The following FBXO15 variants were observed in gnomAD, a reference collection of about 807,000 sequenced individuals.
FBXO15 encodes the protein F-box only protein 15.
Under a neutral mutation model 49.5 loss-of-function variants are expected in FBXO15, and 30 were observed. The ratio of observed to expected loss-of-function variants is 0.61; its 90% CI spans 0.45 to 0.82. The LOEUF (loss-of-function observed/expected upper bound fraction) is 0.82. Ranked by LOEUF, FBXO15 falls within the 40% of genes least tolerant of loss-of-function variation. The pLI is 0.00. For synonymous variants in FBXO15, 250 were observed against 232.7 expected, an observed-to-expected ratio of 1.07 and a Z score of -0.68; for missense variants, 591 against 631.5, an observed-to-expected ratio of 0.94 and a Z score of 0.69.
At chr18:74,142,723 T>C (rs570067740) in intron 1 of FBXO15, among the ~76,000 whole-genome samples, 9 of 152,314 alleles carry the variant, frequency 5.9e-5, no homozygotes, top group African/African-American at 1.9e-4. Context: ...TGACCTCATC[T>C]TAACTAATTA....
intron 8 of FBXO15, among the ~76,000 whole-genome samples, chr18:74,104,712 G>C (rs940249896): frequency 3.3e-5 from 5 of 152,020 alleles, no homozygotes; most frequent in African/African-American, 1.2e-4. Context: ...ATGATAAAGG[G>C]GTCAATTTGG....
rs570555403 is a variant in FBXO15 at position 74,087,297 on chromosome 18, G to A, written c.1139-5246C>T. Among the ~76,000 whole-genome samples the A allele has an allele frequency of 3.9e-5, 6 of 152,042 alleles. 1 individual carries two copies. Among genetic ancestry groups the A allele is most frequent in the South Asian group, 2.1e-4 (1 of 4,830 alleles). On this transcript the variant is annotated intron_variant, in intron 8 of 9. Coordinates refer to ENST00000419743, the MANE Select transcript of FBXO15 (RefSeq NM_001142958.2). ...TGGAGGTTTGTTATATAGGTAAACC[G>A]CATGTTGCAGGGGTTTGTAGAGATT...
intron 8 of FBXO15, among the ~76,000 whole-genome samples, chr18:74,108,524 A>G (rs991441726): frequency 4.3e-5 from 5 of 115,708 alleles, no homozygotes; most frequent in African/African-American, 2.7e-4. Flanking sequence ...AAAAAGACGG[A>G]AAAAAAAAAA....
intron 3 of FBXO15, among the ~76,000 whole-genome samples, chr18:74,131,948 G>A (rs147716641): frequency 6.6e-6 from 1 of 152,258 alleles, no homozygotes; most frequent in Admixed American, 6.5e-5. Flanking sequence ...TCTCAAACAC[G>A]TGACTTTGGA....
chr18:74,084,375 T>C (rs989849372), intron 8 of FBXO15, among the ~76,000 whole-genome samples: 1 of 152,060 alleles, frequency 6.6e-6, no homozygotes, highest in African/African-American at 2.4e-5. Flanking sequence ...GAAATGAGCA[T>C]GAGAGGAGGA....
intron 8 of FBXO15, among the ~76,000 whole-genome samples, chr18:74,086,468 G>C (rs907905270): frequency 6.6e-6 from 1 of 152,164 alleles, no homozygotes; most frequent in Non-Finnish European, 1.5e-5. Context: ...TCACTCTGTC[G>C]CACAGGCTGC....
intron 1 of FBXO15, among the ~76,000 whole-genome samples, chr18:74,144,922 T>C (rs1410290623): frequency 6.6e-6 from 1 of 152,192 alleles, no homozygotes; most frequent in East Asian, 1.9e-4. Context: ...AAAACACCAG[T>C]GAAATAAAGT....
chr18:74,097,166 G>A (rs967204058), intron 8 of FBXO15: 1 of 152,288 alleles, frequency 6.6e-6, no homozygotes, highest in Non-Finnish European at 1.5e-5. Context: ...ACTGGGAAAA[G>A]ACCAAAAGGA....
At chr18:74,140,716 G>A (rs540265772) in intron 1 of FBXO15, 5 of 181,394 alleles carry the variant, frequency 2.8e-5, no homozygotes, top group South Asian at 2.5e-4. Flanking sequence ...CCTCAAGACC[G>A]TACTTACTCT....
At chr18:74,141,066 T>C (rs1367028226) in intron 1 of FBXO15, among the ~76,000 whole-genome samples, 1 of 152,228 alleles carries the variant, frequency 6.6e-6, no homozygotes, top group African/African-American at 2.4e-5. Context: ...CTGGCCATCT[T>C]TTTATTTTAG....
At chr18:74,110,580 C>G (rs1913976323) in intron 8 of FBXO15, among the ~76,000 whole-genome samples, 1 of 151,578 alleles carries the variant, frequency 6.6e-6, no homozygotes, top group African/African-American at 2.4e-5. Flanking sequence ...ACTTTAAACA[C>G]CAGTGGTCTA....
chr18:74,085,600 C>CA (rs1301243360), intron 8 of FBXO15, among the ~76,000 whole-genome samples: 14 of 151,478 alleles, frequency 9.2e-5, no homozygotes, highest in Middle Eastern at 3.4e-3. Context: ...CTCAAAACAA[C>CA]AAAAAAAAGA....
At chr18:74,121,088 TAAAAGACAA>T (rs1568172857) in intron 8 of FBXO15, among the ~76,000 whole-genome samples, 1 of 152,112 alleles carries the variant, frequency 6.6e-6, no homozygotes, top group Non-Finnish European at 1.5e-5. Context: ...ACAAATTCCT[TAAAAGACAA>T]AAAATACCAC....
chr18:74,126,847 C>T (rs749957449), intron 5 of FBXO15, among the ~76,000 whole-genome samples: 3 of 152,232 alleles, frequency 2.0e-5, no homozygotes, highest in Admixed American at 6.5e-5. Flanking sequence ...AAACCAGATC[C>T]GCAGCTGCCA....
At position 74,137,989 on chromosome 18, in the gene FBXO15, C is replaced by T. The variant is rs150863693; in HGVS notation, c.228-2123G>A. ...GAATGCTCACTTCCTCTCATCAAAGCACCGGTGCTCTAGGTCCCCACGGTT... is the reference window on the plus strand; with the variant it reads ...GAATGCTCACTTCCTCTCATCAAAGTACCGGTGCTCTAGGTCCCCACGGTT... On this transcript the variant is annotated intron_variant, in intron 2 of 9. Coordinates refer to ENST00000419743, the MANE Select transcript of FBXO15 (RefSeq NM_001142958.2). 2.9e-3 allele frequency among the ~76,000 whole-genome samples: 437 copies of T among 152,220 alleles called. 4 individuals carry two copies. Among genetic ancestry groups the T allele is most frequent in the African/African-American group, 7.9e-3 (328 of 41,516 alleles).
intron 8 of FBXO15, among the ~76,000 whole-genome samples, chr18:74,084,212 T>C (rs1912625700): frequency 6.6e-6 from 1 of 152,228 alleles, no homozygotes; most frequent in South Asian, 2.1e-4. Flanking sequence ...GCAAGCAGGA[T>C]ACACTGGGGA....
At chr18:74,093,349 C>A (rs962446107) in intron 8 of FBXO15, among the ~76,000 whole-genome samples, 1 of 151,750 alleles carries the variant, frequency 6.6e-6, no homozygotes, top group Non-Finnish European at 1.5e-5. Context: ...GTGGCTGGTG[C>A]GTGTCAGCGA....
intron 8 of FBXO15, chr18:74,099,516 A>T (rs922079389): frequency 6.6e-6 from 1 of 152,134 alleles, no homozygotes. Flanking sequence ...AAATACAATT[A>T]AAAAAAGGTA....
chr18:74,138,136 C>G (rs1288597904), intron 2 of FBXO15, among the ~76,000 whole-genome samples: 1 of 152,106 alleles, frequency 6.6e-6, no homozygotes, highest in African/African-American at 2.4e-5. Flanking sequence ...TCCCCACCCC[C>G]ATCTCTCTGG....
Sources: allele counts gnomAD v4.1 joint callset (sites outside exome capture counted in the v4.1 genomes callset), GRCh38; gene constraint gnomAD v4.1.1; transcripts MANE v1.5; gene names NCBI Gene and HGNC (gene_info 2026-07-23, HGNC 2026-07-21).